ZMYM2: variants seen among roughly 807,000 people sequenced by gnomAD.
The protein encoded by ZMYM2 is zinc finger MYM-type containing 2, also known as zinc finger MYM-type protein 2.
Under a neutral mutation model 162.8 loss-of-function variants are expected in ZMYM2, and 56 were observed. The observed-to-expected ratio is 0.34, with a 90% CI of 0.28 to 0.43. The LOEUF (loss-of-function observed/expected upper bound fraction) is 0.43. ZMYM2 is among the 20% of genes least tolerant of loss of function. The pLI, the probability that ZMYM2 is intolerant of heterozygous loss-of-function variation, is 1.00. For missense variants in ZMYM2, 1,275 were observed against 1,621.8 expected (o/e 0.79, Z 3.67); for synonymous variants, 510 against 541.6 (o/e 0.94, Z 0.81).
At chr13:19,948,821 T>G in the ZMYM2 span, among the ~76,000 whole-genome samples, 1 of 152,152 alleles carries the variant, frequency 6.6e-6, no homozygotes, top group Non-Finnish European at 1.5e-5. Context: ...CTGCTCAAAT[T>G]TTCTGTGAAC....
upstream of ZMYM2, among the ~76,000 whole-genome samples, chr13:19,958,356 C>CT (rs1040811976): frequency 1.9e-4 from 29 of 152,120 alleles, no homozygotes; most frequent in Admixed American, 3.9e-4. Flanking sequence ...CCGCCGGAGT[C>CT]TCCCGGGCTG....
At chr13:20,053,743 A>G (rs998591264) in intron 14 of ZMYM2, among the ~76,000 whole-genome samples, 2 of 152,212 alleles carry the variant, frequency 1.3e-5, no homozygotes, top group African/African-American at 2.4e-5. Context: ...GTATTTTTAC[A>G]TTTATTCTAT....
At chr13:19,940,263 A>G in the ZMYM2 span, among the ~76,000 whole-genome samples, 12 of 152,222 alleles carry the variant, frequency 7.9e-5, no homozygotes, top group Non-Finnish European at 1.3e-4. Context: ...GAGCCAGAAT[A>G]TGGGGCTAGG....
chr13:19,975,907 G>GTAT (rs1956746635), intron 2 of ZMYM2, among the ~76,000 whole-genome samples: 2 of 94,788 alleles, frequency 2.1e-5, no homozygotes, highest in African/African-American at 6.3e-5. Flanking sequence ...TATGTATGTA[G>GTAT]AGCTGGAGTC....
intron 2 of ZMYM2, among the ~76,000 whole-genome samples, chr13:19,984,765 C>G (rs150509681): frequency 1.8e-3 from 267 of 152,294 alleles, no homozygotes; most frequent in Non-Finnish European, 2.1e-3. Flanking sequence ...TTTAAGATAG[C>G]TGTCATAGTT....
chr13:19,928,230 C>G, the ZMYM2 span, among the ~76,000 whole-genome samples: 1 of 152,186 alleles, frequency 6.6e-6, no homozygotes, highest in Non-Finnish European at 1.5e-5. Context: ...TGTCCTCCAA[C>G]TCTTGGCTCA....
the ZMYM2 span, among the ~76,000 whole-genome samples, chr13:19,940,672 C>T: frequency 2.0e-5 from 3 of 152,138 alleles, no homozygotes; most frequent in African/African-American, 7.2e-5. Flanking sequence ...TTTCAAATGG[C>T]GTTCAGCCAT....
intron 2 of ZMYM2, among the ~76,000 whole-genome samples, chr13:19,984,821 CTG>C (rs1297385620): frequency 6.6e-6 from 1 of 152,140 alleles, no homozygotes; most frequent in African/African-American, 2.4e-5. Context: ...AGGGATCTAA[CTG>C]TGGTAAAGAA....
chr13:20,085,878 G>C lies in ZMYM2; in HGVS notation c.3998G>C (p.Ser1333Thr). The change falls in exon 25 of 25, where the codon AGT (serine) becomes ACT (threonine). Residue 1333 changes from serine (S) to threonine (T), a missense_variant. By Grantham distance (58) the Ser-to-Thr change is moderately conservative (BLOSUM62 1). Around this residue, in one of 10 missense-constraint regions of ZMYM2, gnomAD observed 69 missense variants for 78.4 expected, o/e 0.88. Coordinates refer to ENST00000610343, the MANE Select transcript of ZMYM2 (RefSeq NM_197968.4). The stretch of plus-strand genomic sequence containing the variant: ...TTTTATTTGCAACCAGAATGCTCTA[G>C]TTCTACAGATAGCCCTGTCTGGTAT... ...DVFYLQPECSSSTDSPVWYTS... is the reference protein window; with the variant it reads ...DVFYLQPECSTSTDSPVWYTS... 1 of 1,613,572 alleles carries C rather than the reference G, an allele frequency of 6.2e-7. No homozygotes were observed. The highest frequency in any genetic ancestry group is 8.5e-7 in the Non-Finnish European group (1 of 1,179,632).
intron 14 of ZMYM2, among the ~76,000 whole-genome samples, chr13:20,058,017 A>G (rs778204639): frequency 5.3e-5 from 8 of 152,222 alleles, no homozygotes; most frequent in Non-Finnish European, 1.0e-4. Context: ...AGTGTGAAAT[A>G]TCTGAGAGAC....
chr13:19,958,702 G>GC (rs1954749891), upstream of ZMYM2: 1 of 154,284 alleles, frequency 6.5e-6, no homozygotes, highest in Admixed American at 6.6e-5. Context: ...CCCGGGCTCG[G>GC]CCGCGCCGCC....
rs372225105 is a variant in ZMYM2 at position 20,067,405 on chromosome 13, G to A, written c.3453+15G>A. On this transcript the variant is annotated intron_variant, in intron 21 of 24. Transcript: ENST00000610343. ...GAATACAGGAGGTTAGTAATTTGAT[G>A]GCTGCTTTCAAGTATAACATTAATA... The A allele has an allele frequency of 1.0e-5, 16 of 1,586,608 alleles. No homozygotes were observed. The highest frequency in any genetic ancestry group is 1.3e-5 in the African/African-American group (1 of 74,408).
chr13:19,885,274 A>T, the ZMYM2 span, among the ~76,000 whole-genome samples: 1 of 152,016 alleles, frequency 6.6e-6, no homozygotes, highest in Non-Finnish European at 1.5e-5. Context: ...ACCCTGTCTT[A>T]AAAAAAAGTT....
chr13:20,050,196 AT>A (rs1955192102), intron 12 of ZMYM2, among the ~76,000 whole-genome samples: 1 of 151,860 alleles, frequency 6.6e-6, no homozygotes, highest in Non-Finnish European at 1.5e-5. Context: ...TTCATTTAAC[AT>A]TTATTCAGCA....
the ZMYM2 span, among the ~76,000 whole-genome samples, chr13:19,917,272 A>G: frequency 6.6e-6 from 1 of 151,936 alleles, no homozygotes; most frequent in Non-Finnish European, 1.5e-5. Flanking sequence ...TGAAGGCTAG[A>G]ATTAATAACA....
Position 20,006,582 on chromosome 13 carries a change from A to G in ZMYM2, c.1508A>G (p.Lys503Arg). ...FCCQSCVSEY[K>R]QVGSHPSFLK... Reference sequence around the variant, plus strand: ...TGTCAAAGTTGTGTCAGTGAATACAAACAGGTAATTCATGTTCTAATCAAA... The same window carrying G: ...TGTCAAAGTTGTGTCAGTGAATACAGACAGGTAATTCATGTTCTAATCAAA... Residue 503 changes from lysine to arginine, a missense_variant, in exon 6 of 25, where the codon AAA becomes AGA. By Grantham distance (26) the Lys-to-Arg change is conservative. This residue lies in a region of ZMYM2 where 276 missense variants were observed against 311.8 expected (regional missense o/e 0.89). Coordinates refer to ENST00000610343, the MANE Select transcript of ZMYM2 (RefSeq NM_197968.4). 1 of 1,613,718 alleles carries G rather than the reference A, an allele frequency of 6.2e-7. No individual in the cohort carries two copies. The highest frequency in any genetic ancestry group is 8.5e-7 in the Non-Finnish European group (1 of 1,179,768).
At position 19,993,794 on chromosome 13, in the gene ZMYM2, T is replaced by A; in HGVS notation, c.722T>A (p.Ile241Lys). ...CAGTCAAGTAATTTTGGTGTTAATA[T>A]ACAAACATACACCCCATCTTTAACT... ...GLQSSNFGVN[I>K]QTYTPSLTSQ... The change falls in exon 3 of 25, where the codon ATA (isoleucine) becomes AAA (lysine). Residue 241 changes from isoleucine to lysine, a missense_variant. Ile to Lys is a moderately radical substitution (Grantham distance 102). Coordinates refer to ENST00000610343, the MANE Select transcript of ZMYM2 (RefSeq NM_197968.4). 2 of 1,614,188 alleles carry A rather than the reference T, an allele frequency of 1.2e-6. No homozygotes were observed. Among genetic ancestry groups the A allele is most frequent in the South Asian group, 1.1e-5 (1 of 91,090 alleles).
chr13:19,889,748 A>G, the ZMYM2 span, among the ~76,000 whole-genome samples: 1 of 151,562 alleles, frequency 6.6e-6, no homozygotes, highest in African/African-American at 2.4e-5. Flanking sequence ...TGTACCATCT[A>G]GTTTGGTTGT....
chr13:19,894,084 A>G, the ZMYM2 span, among the ~76,000 whole-genome samples: 1 of 151,962 alleles, frequency 6.6e-6, no homozygotes, highest in South Asian at 2.1e-4. Flanking sequence ...GTATAACCTC[A>G]TGCCCATTAG....
Sources: gnomAD v4.1 joint callset for allele counts (sites outside exome capture counted in the v4.1 genomes callset) on GRCh38, gnomAD v4.1.1 for gene constraint, gnomAD v4.1.1 regional missense constraint, MANE v1.5 for transcripts, NCBI Gene and HGNC (gene_info 2026-07-23, HGNC 2026-07-21) for gene names.